The following DLGAP1 variants were observed in gnomAD, a reference collection of about 807,000 sequenced individuals.
DLGAP1 encodes the protein DLG associated protein 1, also known as disks large-associated protein 1.
In DLGAP1, 11 loss-of-function variants were observed where a neutral mutation model predicts 90.8. The observed-to-expected ratio is 0.12, with a 90% CI of 0.08 to 0.20. The LOEUF (loss-of-function observed/expected upper bound fraction) is 0.20, where lower values mean the gene tolerates loss of function less well. DLGAP1 is among the 10% of genes least tolerant of loss of function. The probability of loss-of-function intolerance (pLI) is 1.00; values close to 1 mark genes in which losing one functional copy is unlikely to be tolerated. For missense variants in DLGAP1, 1,050 were observed against 1,333.8 expected (o/e 0.79, Z 3.31); for synonymous variants, 558 against 540.7 (o/e 1.03, Z -0.44).
rs946939494 is a variant in DLGAP1, at chr18:4,397,623, T to C, written c.-267+57383A>G. ...CAGAGATAACAAGTATTTTTTTTCATAAGCAGTACAAGCCACAAGCTAATG... is the reference window on the plus strand; with the variant it reads ...CAGAGATAACAAGTATTTTTTTTCACAAGCAGTACAAGCCACAAGCTAATG... On this transcript the variant is annotated intron_variant, in intron 1 of 12. Transcript: ENST00000315677. Among the ~76,000 whole-genome samples the C allele has an allele frequency of 2.8e-4, 42 of 152,088 alleles. 1 individual carries two copies. Among genetic ancestry groups the C allele is most frequent in the Non-Finnish European group, 4.4e-5 (3 of 67,996 alleles).
At chr18:3,640,231 AG>A (rs2058889333) in intron 7 of DLGAP1, among the ~76,000 whole-genome samples, 1 of 152,214 alleles carries the variant, frequency 6.6e-6, no homozygotes, top group African/African-American at 2.4e-5. Context: ...GTCCTACTTA[AG>A]GACTGCTGTG....
rs143933291 is a variant in DLGAP1, at chr18:3,950,721, G to A, written c.-73+54395C>T. ...GGAGTGCTCCACAGCTTTTCTGAACGCTGCTTCCATTTACCCTAGTCTGAG... is the reference window on the plus strand; with the variant it reads ...GGAGTGCTCCACAGCTTTTCTGAACACTGCTTCCATTTACCCTAGTCTGAG... On this transcript the variant is annotated intron_variant, in intron 3 of 12. Transcript: ENST00000315677. Among the ~76,000 whole-genome samples, 180 of 152,296 alleles carry A rather than the reference G, an allele frequency of 1.2e-3. 1 individual carries two copies. Among genetic ancestry groups the A allele is most frequent in the African/African-American group, 4.2e-3 (175 of 41,560 alleles).
intron 1 of DLGAP1, among the ~76,000 whole-genome samples, chr18:4,249,517 C>T (rs1388180811): frequency 1.3e-5 from 2 of 149,684 alleles, no homozygotes; most frequent in South Asian, 2.1e-4. Context: ...ATGAGTCAGG[C>T]AACACTTTTA....
intron 3 of DLGAP1, among the ~76,000 whole-genome samples, chr18:3,887,987 A>G (rs922957222): frequency 6.6e-6 from 1 of 151,568 alleles, no homozygotes; most frequent in Non-Finnish European, 1.5e-5. Flanking sequence ...GGGCGCCTGT[A>G]GTCCCAGCTA....
At chr18:3,635,472 C>T (rs2058685735) in intron 7 of DLGAP1, among the ~76,000 whole-genome samples, 2 of 151,324 alleles carry the variant, frequency 1.3e-5, no homozygotes, top group African/African-American at 4.9e-5. Flanking sequence ...CAAATAGGAG[C>T]TCCACCTTCT....
intron 5 of DLGAP1, among the ~76,000 whole-genome samples, chr18:3,796,575 G>A (rs1385850574): frequency 3.9e-5 from 6 of 152,164 alleles, no homozygotes; most frequent in African/African-American, 9.7e-5. Flanking sequence ...GGGAACATGC[G>A]CTGAGTGACA....
intron 1 of DLGAP1, among the ~76,000 whole-genome samples, chr18:4,213,691 C>A (rs909528867): frequency 6.6e-6 from 1 of 152,074 alleles, no homozygotes; most frequent in Non-Finnish European, 1.5e-5. Context: ...TTAACAGTGT[C>A]AAATAGCTGC....
intron 1 of DLGAP1, among the ~76,000 whole-genome samples, chr18:4,411,328 C>G (rs1171720267): frequency 6.6e-6 from 1 of 152,170 alleles, no homozygotes; most frequent in Non-Finnish European, 1.5e-5. Flanking sequence ...GATAATGGTA[C>G]AGTTATTAAA....
chr18:4,406,017 G>A (rs372824827), intron 1 of DLGAP1, among the ~76,000 whole-genome samples: 15 of 152,206 alleles, frequency 9.9e-5, no homozygotes, highest in Non-Finnish European at 1.8e-4. Context: ...TATTTAAACC[G>A]TAGAGGATTC....
chr18:3,946,222 C>T (rs2072875936), intron 3 of DLGAP1, among the ~76,000 whole-genome samples: 1 of 151,912 alleles, frequency 6.6e-6, no homozygotes, highest in Admixed American at 6.6e-5. Context: ...CTCTTCATTG[C>T]TGTCTCTAAG....
chr18:4,177,815 G>A (rs765686029), intron 1 of DLGAP1, among the ~76,000 whole-genome samples: 4 of 152,268 alleles, frequency 2.6e-5, no homozygotes, highest in South Asian at 2.1e-4. Context: ...TTCTATGGCT[G>A]TGTAGCATTC....
chr18:3,882,638 G>A (rs2148834029), intron 3 of DLGAP1, among the ~76,000 whole-genome samples: 1 of 152,220 alleles, frequency 6.6e-6, no homozygotes, highest in East Asian at 1.9e-4. Context: ...TCAGCCTCAG[G>A]GAAAAGTCAC....
At chr18:4,079,711 T>TAA (rs2075577047) in intron 2 of DLGAP1, among the ~76,000 whole-genome samples, 1 of 130,184 alleles carries the variant, frequency 7.7e-6, no homozygotes, top group East Asian at 2.2e-4. Flanking sequence ...TATATATATA[T>TAA]ATAAAAGAAA....
intron 3 of DLGAP1, among the ~76,000 whole-genome samples, chr18:3,881,429 C>G (rs2071166398): frequency 1.3e-5 from 2 of 152,314 alleles, no homozygotes; most frequent in Non-Finnish European, 1.5e-5. Flanking sequence ...TAGTTCCTCT[C>G]TTGTGTTTCC....
chr18:3,681,077 G>A (rs2060497563), intron 7 of DLGAP1, among the ~76,000 whole-genome samples: 1 of 152,140 alleles, frequency 6.6e-6, no homozygotes, highest in Non-Finnish European at 1.5e-5. Flanking sequence ...TTACAGGCAC[G>A]CACATCTTCA....
At chr18:3,691,950 G>C (rs544478340) in intron 7 of DLGAP1, among the ~76,000 whole-genome samples, 1 of 152,136 alleles carries the variant, frequency 6.6e-6, no homozygotes, top group Non-Finnish European at 1.5e-5. Context: ...ATAAAAAAAG[G>C]TTGAGGAATT....
intron 5 of DLGAP1, among the ~76,000 whole-genome samples, chr18:3,787,480 CAAAAAAAAAAAAAAA>C (rs1189558362): frequency 1.6e-5 from 1 of 63,778 alleles, no homozygotes; most frequent in African/African-American, 6.4e-5. Flanking sequence ...AACTCCATCT[CAAAAAAAAAAAAAAA>C]AAAAAAAAAA....
chr18:3,791,531 T>C (rs1287298895), intron 5 of DLGAP1, among the ~76,000 whole-genome samples: 1 of 150,524 alleles, frequency 6.6e-6, no homozygotes, highest in Non-Finnish European at 1.5e-5. Context: ...TGTGTGTGTG[T>C]GCACGCATGT....
At chr18:3,836,641 C>G (rs1021098298) in intron 4 of DLGAP1, among the ~76,000 whole-genome samples, 2 of 152,188 alleles carry the variant, frequency 1.3e-5, no homozygotes, top group Admixed American at 6.5e-5. Flanking sequence ...TGCTCCTGCT[C>G]TGAGGTAGCC....
Sources: gnomAD v4.1 joint callset for allele counts (sites outside exome capture counted in the v4.1 genomes callset) on GRCh38, gnomAD v4.1.1 for gene constraint, MANE v1.5 for transcripts, NCBI Gene and HGNC (gene_info 2026-07-23, HGNC 2026-07-21) for gene names.